Variants in AGMO observed in about 807,000 individuals in gnomAD.
AGMO encodes alkylglycerol monooxygenase.
A neutral mutation model predicts 60.2 loss-of-function variants in AGMO; 75 were observed. That is an observed-to-expected ratio of 1.25 (90% CI 1.03 to 1.51). AGMO has a LOEUF of 1.51. Ranked by LOEUF, AGMO falls within the 40% of genes most tolerant of loss-of-function variation. AGMO has a pLI of 0.00. For missense variants in AGMO, 763 were observed against 525.5 expected, an observed-to-expected ratio of 1.45 and a Z score of -4.42; for synonymous variants, 261 against 177.1, an observed-to-expected ratio of 1.47 and a Z score of -3.76.
At chr7:15,381,412 A>G (rs928414843) in intron 10 of AGMO, among the ~76,000 whole-genome samples, 1 of 148,280 alleles carries the variant, frequency 6.7e-6, no homozygotes, top group Non-Finnish European at 1.5e-5. Flanking sequence ...GGCCACAATC[A>G]TATGAAAAAA....
At chr7:15,170,119 T>G in the AGMO span, among the ~76,000 whole-genome samples, 6 of 152,176 alleles carry the variant, frequency 3.9e-5, no homozygotes, top group African/African-American at 1.2e-4. Flanking sequence ...GTCATGTAAT[T>G]AATGCTGACA....
Position 15,354,417 on chromosome 7 carries a change from T to TAC in AGMO, c.1263+11096_1263+11097insGT, listed in dbSNP as rs1563105436. On this transcript the variant is annotated intron_variant, in intron 12 of 12. Transcript: ENST00000342526. ...ATACACGTGTGTGTACACACGTGTG[T>TAC]GTATACACACACGTGTGTGTATACA... 1.1e-3 allele frequency among the ~76,000 whole-genome samples: 26 copies of TAC among 23,698 alleles called. 7 individuals are homozygous for TAC. The highest frequency in any genetic ancestry group is 0.01 in the African/African-American group (25 of 2,408). The allele number at this position is 23,698 out of a possible 152,430, so 15.5% of individuals were successfully genotyped here.
chr7:15,354,491 C>CGTGTGTATAT (rs1314637523), intron 12 of AGMO, among the ~76,000 whole-genome samples: 10 of 13,998 alleles, frequency 7.1e-4, no homozygotes, highest in Admixed American at 1.7e-3. Flanking sequence ...TGTATATACA[C>CGTGTGTATAT]ACGTGTATAT....
At chr7:15,331,605 AGAT>A (rs1482287848) in intron 12 of AGMO, among the ~76,000 whole-genome samples, 3 of 152,078 alleles carry the variant, frequency 2.0e-5, no homozygotes, top group Non-Finnish European at 4.4e-5. Context: ...TGGCTGAGAT[AGAT>A]TATATTTCCC....
chr7:15,511,546 A>T (rs75664420), intron 3 of AGMO, among the ~76,000 whole-genome samples: 1 of 152,082 alleles, frequency 6.6e-6, no homozygotes, highest in South Asian at 2.1e-4. Flanking sequence ...TAAGATGGAT[A>T]AGTTCAGGAG....
rs1481138044 is a variant in AGMO at position 15,356,433 on chromosome 7, CTATA to C, written c.1263+9077_1263+9080del. ...CAGAAATTTTATATAGCATAGGAAA[CTATA>C]TATAAGAAACCATATATAGTATATA... On this transcript the variant is annotated intron_variant, in intron 12 of 12. Transcript: ENST00000342526. Among the ~76,000 whole-genome samples the C allele has an allele frequency of 5.3e-5, 8 of 151,994 alleles. No individual in the cohort carries two copies. In the South Asian group the frequency reaches 8.3e-4, roughly 16 times the overall value.
chr7:15,373,310 T>A (rs1441562872), intron 10 of AGMO, among the ~76,000 whole-genome samples: 1 of 151,992 alleles, frequency 6.6e-6, no homozygotes, highest in Non-Finnish European at 1.5e-5. Context: ...TAGCTCGTTT[T>A]CATAGGTTTC....
chr7:15,531,962 C>G (rs1474403345), intron 3 of AGMO, among the ~76,000 whole-genome samples: 2 of 152,012 alleles, frequency 1.3e-5, no homozygotes, highest in Non-Finnish European at 2.9e-5. Flanking sequence ...AGCCACCACC[C>G]CTGGCCCAAT....
At chr7:15,130,219 A>T in the AGMO span, among the ~76,000 whole-genome samples, 13 of 152,160 alleles carry the variant, frequency 8.5e-5, no homozygotes, top group East Asian at 1.7e-3. Flanking sequence ...TATGATAATT[A>T]TATTTCAGAA....
chr7:15,133,508 T>C, the AGMO span, among the ~76,000 whole-genome samples: 3 of 149,928 alleles, frequency 2.0e-5, no homozygotes, highest in African/African-American at 7.4e-5. Flanking sequence ...AGCTGGAGGC[T>C]AAAATCATCA....
intron 3 of AGMO, among the ~76,000 whole-genome samples, chr7:15,530,697 C>CAT (rs1248259224): frequency 1.1e-5 from 1 of 87,502 alleles, no homozygotes; most frequent in Non-Finnish European, 2.7e-5. Context: ...TGTATTTCTA[C>CAT]ATATATTCTA....
chr7:15,131,757 A>AACACACAC, the AGMO span, among the ~76,000 whole-genome samples: 5,253 of 146,298 alleles, frequency 0.036, 131 homozygotes, highest in Admixed American at 0.083. Context: ...CAAAGAAATT[A>AACACACAC]ACACACACAC....
intron 12 of AGMO, among the ~76,000 whole-genome samples, chr7:15,228,123 G>A (rs916362421): frequency 6.6e-6 from 1 of 151,768 alleles, no homozygotes; most frequent in African/African-American, 2.4e-5. Flanking sequence ...CTATTGTTTG[G>A]AATAAAACTC....
intron 12 of AGMO, among the ~76,000 whole-genome samples, chr7:15,316,692 A>G (rs1780935278): frequency 6.6e-6 from 1 of 152,200 alleles, no homozygotes. Flanking sequence ...AATAAGTTAA[A>G]TACTTTAACA....
chr7:15,530,667 CTA>C (rs1306170423), intron 3 of AGMO, among the ~76,000 whole-genome samples: 51 of 136,520 alleles, frequency 3.7e-4, no homozygotes, highest in African/African-American at 1.1e-3. Flanking sequence ...ATACGTATTT[CTA>C]TATATATATT....
chr7:15,297,358 T>C (rs1583376932), intron 12 of AGMO, among the ~76,000 whole-genome samples: 2 of 152,180 alleles, frequency 1.3e-5, no homozygotes, highest in African/African-American at 4.8e-5. Context: ...TTTACTATTG[T>C]AGTTATTGGC....
At chr7:15,368,717 G>A (rs1441251299) in intron 10 of AGMO, among the ~76,000 whole-genome samples, 1 of 152,076 alleles carries the variant, frequency 6.6e-6, no homozygotes, top group African/African-American at 2.4e-5. Context: ...ATGAGCAACT[G>A]AGAAGCATAA....
At chr7:15,253,557 CT>C (rs1357857386) in intron 12 of AGMO, among the ~76,000 whole-genome samples, 2 of 152,114 alleles carry the variant, frequency 1.3e-5, no homozygotes, top group South Asian at 4.2e-4. Context: ...GGTATTACAT[CT>C]TTTTTTAAAA....
At chr7:15,197,508 T>C (rs1781149375), downstream of AGMO, among the ~76,000 whole-genome samples, 1 of 152,348 alleles carries the variant, frequency 6.6e-6, no homozygotes, top group South Asian at 2.1e-4. Context: ...ATCAGGACTC[T>C]GAGACGATTA....
Sources: gnomAD v4.1 joint callset for allele counts (sites outside exome capture counted in the v4.1 genomes callset) on GRCh38, gnomAD v4.1.1 for gene constraint, MANE v1.5 for transcripts, NCBI Gene and HGNC (gene_info 2026-07-23, HGNC 2026-07-21) for gene names.